Variants in C9orf85 observed in about 807,000 individuals in gnomAD.
C9orf85 encodes chromosome 9 open reading frame 85.
Under a neutral mutation model 14.9 loss-of-function variants are expected in C9orf85, and 16 were observed. That is an observed-to-expected ratio of 1.08 (90% CI 0.73 to 1.63). The LOEUF is 1.63. C9orf85 is among the 40% of genes most tolerant of loss of function. The pLI, the probability that C9orf85 is intolerant of heterozygous loss-of-function variation, is 0.00. For missense variants in C9orf85, 172 were observed against 186.1 expected, an observed-to-expected ratio of 0.92 and a Z score of 0.44; for synonymous variants, 45 against 56.8, an observed-to-expected ratio of 0.79 and a Z score of 0.93.
At chr9:71,944,373 C>T (rs1045376988) in intron 1 of C9orf85, among the ~76,000 whole-genome samples, 3 of 151,880 alleles carry the variant, frequency 2.0e-5, no homozygotes, top group Non-Finnish European at 4.4e-5. Flanking sequence ...AGGGTTTCTT[C>T]TTTCACTGAT....
intron 1 of C9orf85, among the ~76,000 whole-genome samples, chr9:71,940,123 T>C (rs1311351719): frequency 1.3e-5 from 2 of 151,990 alleles, no homozygotes; most frequent in Non-Finnish European, 2.9e-5. Context: ...AAAGCATGGA[T>C]TGGGAGAATA....
At chr9:71,958,412 G>A (rs1019689611) in intron 2 of C9orf85, among the ~76,000 whole-genome samples, 8 of 151,224 alleles carry the variant, frequency 5.3e-5, no homozygotes, top group Non-Finnish European at 1.0e-4. Context: ...GCAGGCATGC[G>A]CCACCACGAC....
intron 2 of C9orf85, among the ~76,000 whole-genome samples, chr9:71,965,769 A>T (rs1477237907): frequency 6.6e-6 from 1 of 152,164 alleles, no homozygotes; most frequent in East Asian, 1.9e-4. Context: ...TGTTTCCTTT[A>T]TCAAGAAACA....
intron 2 of C9orf85, among the ~76,000 whole-genome samples, chr9:71,965,131 A>G (rs4745144): frequency 0.99 from 151,319 of 152,312 alleles, 75,178 homozygotes; most frequent in Middle Eastern, 1. Flanking sequence ...TTAATAGAGT[A>G]GAAACAGAGC....
intron 1 of C9orf85, among the ~76,000 whole-genome samples, chr9:71,924,161 G>C (rs1444500924): frequency 6.6e-6 from 1 of 152,104 alleles, no homozygotes; most frequent in Non-Finnish European, 1.5e-5. Flanking sequence ...GTCCCTGTAG[G>C]GTTTTTTGGC....
At chr9:71,947,990 T>C (rs1302821796) in intron 2 of C9orf85, among the ~76,000 whole-genome samples, 5 of 152,220 alleles carry the variant, frequency 3.3e-5, no homozygotes, top group African/African-American at 4.8e-5. Context: ...CAGCCTTCTG[T>C]GCATCCTCTA....
chr9:71,934,011 TATATTGATTTATG>T (rs1434386704), intron 1 of C9orf85, among the ~76,000 whole-genome samples: 2 of 152,186 alleles, frequency 1.3e-5, no homozygotes, highest in African/African-American at 4.8e-5. Flanking sequence ...ATAATCTCCA[TATATTGATTTATG>T]ACTTTGCTTG....
At chr9:71,956,601 C>T (rs1261999745) in intron 2 of C9orf85, among the ~76,000 whole-genome samples, 1 of 152,020 alleles carries the variant, frequency 6.6e-6, no homozygotes, top group Non-Finnish European at 1.5e-5. Flanking sequence ...ATTCCAAATC[C>T]AAAATGTCCT....
At chr9:71,942,027 A>G (rs187598175) in intron 1 of C9orf85, 2 of 152,344 alleles carry the variant, frequency 1.3e-5, no homozygotes, top group East Asian at 3.9e-4. Flanking sequence ...GACATTTCTC[A>G]TAATAGAAGG....
chr9:71,963,538 A>T (rs1284197700), intron 2 of C9orf85, among the ~76,000 whole-genome samples: 1 of 152,132 alleles, frequency 6.6e-6, no homozygotes, highest in Non-Finnish European at 1.5e-5. Flanking sequence ...GGAGGTGTGG[A>T]GGGAGAGGCG....
intron 1 of C9orf85, among the ~76,000 whole-genome samples, chr9:71,936,033 T>A (rs2132284915): frequency 6.6e-6 from 1 of 151,788 alleles, no homozygotes; most frequent in African/African-American, 2.4e-5. Context: ...GATATACAGG[T>A]GAAAGAGGAA....
At chr9:71,962,900 A>G (rs550207872) in intron 2 of C9orf85, among the ~76,000 whole-genome samples, 1 of 152,268 alleles carries the variant, frequency 6.6e-6, no homozygotes, top group South Asian at 2.1e-4. Context: ...TACTACAAAT[A>G]CAAAAATTAG....
At chr9:71,928,396 C>T (rs977645172) in intron 1 of C9orf85, among the ~76,000 whole-genome samples, 2 of 152,082 alleles carry the variant, frequency 1.3e-5, no homozygotes, top group Non-Finnish European at 2.9e-5. Context: ...ATAGAATGCA[C>T]TGTGAGGAAG....
intron 1 of C9orf85, among the ~76,000 whole-genome samples, chr9:71,922,057 C>G (rs1205629153): frequency 1.3e-5 from 2 of 152,024 alleles, no homozygotes; most frequent in East Asian, 3.9e-4. Context: ...TCTCCTACCT[C>G]AGCCTCCCGA....
intron 1 of C9orf85, among the ~76,000 whole-genome samples, chr9:71,924,668 A>G (rs887191879): frequency 6.6e-6 from 1 of 152,172 alleles, no homozygotes; most frequent in East Asian, 1.9e-4. Flanking sequence ...GAATATTTAT[A>G]TAGGTTGCTT....
chr9:71,968,600 A>C (rs1041539377), intron 2 of C9orf85, among the ~76,000 whole-genome samples: 2 of 152,270 alleles, frequency 1.3e-5, no homozygotes, highest in African/African-American at 4.8e-5. Context: ...AAATTTTCCC[A>C]TTATTCTTTG....
At chr9:71,960,301 T>A in intron 2 of C9orf85, among the ~76,000 whole-genome samples, 1 of 152,226 alleles carries the variant, frequency 6.6e-6, no homozygotes, top group African/African-American at 2.4e-5. Context: ...ATGTCCTGTT[T>A]TTTTGTTCCA....
chr9:71,918,370 C>A, intron 1 of C9orf85: 1 of 1,095,878 alleles, frequency 9.1e-7, no homozygotes, highest in Non-Finnish European at 1.2e-6. Context: ...AATATCTCAG[C>A]TAACCACAAG....
chr9:71,980,593 G>A (rs1359255), intron 3 of C9orf85, among the ~76,000 whole-genome samples: 151,371 of 152,254 alleles, frequency 0.99, 75,258 homozygotes, highest in Middle Eastern at 1. Flanking sequence ...TACTGTACTC[G>A]ATATGTTTTC....
Sources: gnomAD v4.1 joint callset for allele counts (sites outside exome capture counted in the v4.1 genomes callset) on GRCh38, gnomAD v4.1.1 for gene constraint, MANE v1.5 for transcripts, NCBI Gene and HGNC (gene_info 2026-07-23, HGNC 2026-07-21) for gene names.